Variants in SLFN12L observed in about 807,000 individuals in gnomAD.
The protein encoded by SLFN12L is schlafen family member 12 like.
A neutral mutation model predicts 34.8 loss-of-function variants in SLFN12L; 34 were observed. The observed-to-expected ratio is 0.98, with a 90% CI of 0.74 to 1.30. The LOEUF (loss-of-function observed/expected upper bound fraction) is 1.30. SLFN12L is among the 50% of genes most tolerant of loss of function. The pLI is 0.00. For synonymous variants in SLFN12L, 259 were observed against 247.5 expected, an observed-to-expected ratio of 1.05 and a Z score of -0.44; for missense variants, 703 against 696.2, an observed-to-expected ratio of 1.01 and a Z score of -0.11.
At chr17:35,476,992 A>T (rs1914061472) in intron 4 of SLFN12L, among the ~76,000 whole-genome samples, 2 of 152,246 alleles carry the variant, frequency 1.3e-5, no homozygotes, top group Admixed American at 1.3e-4. Context: ...ACTTTAAAAT[A>T]ACTGTTACAT....
At chr17:35,522,105 A>C (rs1916014530) in intron 2 of SLFN12L, among the ~76,000 whole-genome samples, 174 bp downstream of exon 2, 1 of 152,006 alleles carries the variant, frequency 6.6e-6, no homozygotes, top group South Asian at 2.1e-4. Context: ...TGTACCCTAC[A>C]ACTTAAAGTA....
chr17:35,491,734 C>T lies in SLFN12L; in HGVS notation c.87-11539G>A, dbSNP rs753756390. ...ACTGCAGCAAATGCAAACTTGAAGTCATGCAAAAGTATGAAATGAATTTCT... is the reference window on the plus strand; with the variant it reads ...ACTGCAGCAAATGCAAACTTGAAGTTATGCAAAAGTATGAAATGAATTTCT... On this transcript the variant is annotated intron_variant, in intron 2 of 4. Transcript: ENST00000628453. Among the ~76,000 whole-genome samples the T allele has an allele frequency of 4.1e-4, 63 of 152,344 alleles. No individual in the cohort carries two copies. In the Middle Eastern group the frequency reaches 0.01, roughly 25 times the overall value.
intron 2 of SLFN12L, among the ~76,000 whole-genome samples, chr17:35,484,013 C>T (rs1008227276): frequency 2.6e-5 from 4 of 152,112 alleles, no homozygotes; most frequent in African/African-American, 7.2e-5. Flanking sequence ...GAAAAAGAAC[C>T]GTCTATTCCA....
intron 2 of SLFN12L, among the ~76,000 whole-genome samples, chr17:35,487,473 C>CA (rs1555540806): frequency 6.6e-6 from 1 of 151,990 alleles, no homozygotes. Flanking sequence ...CACGGACCAC[C>CA]CCCCCCGGAC....
intron 1 of SLFN12L, among the ~76,000 whole-genome samples, chr17:35,530,802 T>A (rs2072404320): frequency 6.6e-6 from 1 of 152,190 alleles, no homozygotes. Context: ...ACCTGCACAA[T>A]CACTTTTTTC....
chr17:35,526,963 G>A (rs1233135224), intron 1 of SLFN12L, among the ~76,000 whole-genome samples: 3 of 151,170 alleles, frequency 2.0e-5, no homozygotes, highest in South Asian at 2.1e-4. Context: ...GACTACTACC[G>A]AGACTAATAA....
Position 35,479,356 on chromosome 17 carries a change from G to A in SLFN12L, c.926C>T (p.Ser309Phe), listed in dbSNP as rs761644149. The change falls in exon 3 of 5, where the codon TCC becomes TTC. Residue 309 changes from serine to phenylalanine, a missense_variant. Ser to Phe is a radical substitution (Grantham distance 155). Transcript: ENST00000628453. ...LTKLEEVTKN[S>F]IGKLPVHHFC... ...GTGATGCACAGGCAGTTTCCCAATG[G>A]AATTTTTTGTTACTTCTTCTAACTT... The A allele has an allele frequency of 6.3e-6, 10 of 1,593,290 alleles. No homozygotes were observed. The highest frequency in any genetic ancestry group is 2.7e-5 in the African/African-American group (2 of 74,262).
chr17:35,516,709 T>C (rs775653599), intron 2 of SLFN12L, among the ~76,000 whole-genome samples: 1 of 152,252 alleles, frequency 6.6e-6, no homozygotes, highest in Non-Finnish European at 1.5e-5. Flanking sequence ...AGCAGATTAA[T>C]TTTAACAATG....
rs1331693107 is a variant in SLFN12L at position 35,468,738 on chromosome 17, G to A, written c.*6185C>T. On this transcript the variant is annotated 3_prime_UTR_variant, in exon 5 of 5. Transcript: ENST00000628453. Reference sequence around the variant, plus strand: ...TACGTCATTCTAAGAATTAATGGAGGGCCAAGCACAGTGACTCATGCCTAT... The same window carrying A: ...TACGTCATTCTAAGAATTAATGGAGAGCCAAGCACAGTGACTCATGCCTAT... Among the ~76,000 whole-genome samples the A allele has an allele frequency of 6.6e-6, 1 of 152,114 alleles. No individual in the cohort carries two copies. The highest frequency in any genetic ancestry group is 1.9e-4 in the East Asian group (1 of 5,190).
chr17:35,519,541 A>C (rs1317557602), intron 2 of SLFN12L, among the ~76,000 whole-genome samples: 2 of 152,238 alleles, frequency 1.3e-5, no homozygotes, highest in Admixed American at 1.3e-4. Context: ...GAAGAATTCC[A>C]AATAACTTAT....
chr17:35,492,406 G>T (rs929291424), intron 2 of SLFN12L, among the ~76,000 whole-genome samples: 4 of 152,150 alleles, frequency 2.6e-5, no homozygotes, highest in African/African-American at 9.7e-5. Context: ...GGGGGAAAGG[G>T]CTCTCTTATA....
intron 2 of SLFN12L, among the ~76,000 whole-genome samples, chr17:35,515,627 C>G (rs1915796553): frequency 7.4e-6 from 1 of 134,752 alleles, no homozygotes; most frequent in African/African-American, 2.8e-5. Context: ...GCCACCACGC[C>G]CGGCAATTTT....
At chr17:35,487,648 A>C in intron 2 of SLFN12L, 1 of 1,438,928 alleles carries the variant, frequency 6.9e-7, no homozygotes, top group Non-Finnish European at 9.4e-7. Flanking sequence ...GGGATCACGG[A>C]GAAGTTCTCG....
chr17:35,485,645 C>T (rs904670547), intron 2 of SLFN12L, among the ~76,000 whole-genome samples: 9 of 152,110 alleles, frequency 5.9e-5, no homozygotes, highest in South Asian at 2.1e-4. Flanking sequence ...TTTTATAGTT[C>T]GTGGTCTTAC....
At chr17:35,509,345 C>T (rs1915563799) in intron 2 of SLFN12L, among the ~76,000 whole-genome samples, 1 of 152,208 alleles carries the variant, frequency 6.6e-6, no homozygotes, top group Admixed American at 6.5e-5. Context: ...TCTGGCTTTC[C>T]ACCATTGTTC....
rs1913695702 is a variant in SLFN12L at position 35,464,810 on chromosome 17, T to G, written c.*10113A>C. On this transcript the variant is annotated 3_prime_UTR_variant, in exon 5 of 5. Coordinates refer to ENST00000628453, the MANE Select transcript of SLFN12L (RefSeq NM_001363830.2). ...ATCGAAAATTTGTATACCAAAGAAT[T>G]TATATAACAAAAAGATAGCTAAGGT... is the stretch of plus-strand genomic sequence containing the variant. The G allele has an allele frequency of 6.6e-6, 1 of 152,162 alleles. No individual in the cohort carries two copies. Among genetic ancestry groups the G allele is most frequent in the Non-Finnish European group, 1.5e-5 (1 of 68,036 alleles). 9.4% of individuals were successfully genotyped at this position (152,162 alleles called of 1,614,324 possible). A position where few individuals can be genotyped will look rare whatever the true frequency, so the allele number is the denominator to read the frequency against.
intron 2 of SLFN12L, among the ~76,000 whole-genome samples, chr17:35,497,960 A>G (rs992721206): frequency 6.6e-6 from 1 of 152,224 alleles, no homozygotes; most frequent in Non-Finnish European, 1.5e-5. Flanking sequence ...CAAGGTGGAA[A>G]GATCGCTTGA....
Position 35,465,410 on chromosome 17 carries a change from A to G in SLFN12L, c.*9513T>C, listed in dbSNP as rs369547213. On this transcript the variant is annotated 3_prime_UTR_variant, in exon 5 of 5. Coordinates refer to ENST00000628453, the MANE Select transcript of SLFN12L (RefSeq NM_001363830.2). ...GTTGTTGTACTCAGTGCCTTAAAGT[A>G]TCTCGTATTGAACATAGACTCCATG... is the stretch of plus-strand genomic sequence containing the variant. Among the ~76,000 whole-genome samples, 2 of 152,208 alleles carry G rather than the reference A, an allele frequency of 1.3e-5. No homozygotes were observed. Among genetic ancestry groups the G allele is most frequent in the South Asian group, 2.1e-4 (1 of 4,820 alleles).
chr17:35,487,623 C>A, intron 2 of SLFN12L: 1 of 1,255,330 alleles, frequency 8.0e-7, no homozygotes, highest in Non-Finnish European at 1.1e-6. Context: ...TAAACGCCCA[C>A]GTGAATAGCT....
Sources: gnomAD v4.1 joint callset for allele counts (sites outside exome capture counted in the v4.1 genomes callset) on GRCh38, gnomAD v4.1.1 for gene constraint, MANE v1.5 for transcripts, NCBI Gene and HGNC (gene_info 2026-07-23, HGNC 2026-07-21) for gene names.